ADGRA2: variants seen among roughly 807,000 people sequenced by gnomAD.
The protein encoded by ADGRA2 is G-protein coupled receptor 124.
ADGRA2 carries 61 observed loss-of-function variants against 98.7 expected under a neutral mutation model. The observed-to-expected ratio is 0.62, with a 90% CI of 0.50 to 0.76. The LOEUF (loss-of-function observed/expected upper bound fraction) is 0.76. Ranked by LOEUF, ADGRA2 falls within the 30% of genes least tolerant of loss-of-function variation. The pLI, the probability that ADGRA2 is intolerant of heterozygous loss-of-function variation, is 0.00. For synonymous variants in ADGRA2, 858 were observed against 831.5 expected, an observed-to-expected ratio of 1.03 and a Z score of -0.55; for missense variants, 1,712 against 1,860.0, an observed-to-expected ratio of 0.92 and a Z score of 1.46.
chr8:37,825,330 ACCT>A (rs1424257911), intron 2 of ADGRA2, among the ~76,000 whole-genome samples: 1 of 149,030 alleles, frequency 6.7e-6, no homozygotes, highest in Non-Finnish European at 1.5e-5. Context: ...TGCAACCTCC[ACCT>A]CCCAGGTTCA....
At chr8:37,838,559 A>C (rs1435727640) in intron 14 of ADGRA2, among the ~76,000 whole-genome samples, 3 of 152,142 alleles carry the variant, frequency 2.0e-5, no homozygotes, top group Admixed American at 6.5e-5. Context: ...AGCCGAGACT[A>C]GATTCTTACA....
At chr8:37,811,358 G>A (rs1804827127) in intron 1 of ADGRA2, among the ~76,000 whole-genome samples, 1 of 150,662 alleles carries the variant, frequency 6.6e-6, no homozygotes, top group South Asian at 2.1e-4. Context: ...TTTTAGTAGA[G>A]ATGGAGTTTC....
chr8:37,824,716 G>A (rs903446871), intron 2 of ADGRA2, among the ~76,000 whole-genome samples: 4 of 151,948 alleles, frequency 2.6e-5, no homozygotes, highest in Non-Finnish European at 4.4e-5. Context: ...GGCTGGTCTC[G>A]AACTCCTGAC....
intron 17 of ADGRA2, 112 bp downstream of exon 17, chr8:37,840,378 CAAAGA>C (rs1425631309): frequency 1.1e-5 from 13 of 1,184,424 alleles, no homozygotes; most frequent in Non-Finnish European, 1.5e-5. Flanking sequence ...GATCACTCTC[CAAAGA>C]CGGGGGAGGC....
intron 1 of ADGRA2, among the ~76,000 whole-genome samples, chr8:37,801,937 G>T (rs1187816740): frequency 1.3e-5 from 2 of 152,228 alleles, no homozygotes; most frequent in Non-Finnish European, 2.9e-5. Flanking sequence ...TGGGCAAGGA[G>T]AGGTCACTTT....
At chr8:37,803,390 C>T (rs75052278) in intron 1 of ADGRA2, among the ~76,000 whole-genome samples, 4,646 of 152,272 alleles carry the variant, frequency 0.031, 110 homozygotes, top group Non-Finnish European at 0.047. Context: ...TCCCTGGGAG[C>T]AGCCAGAGAG....
intron 1 of ADGRA2, among the ~76,000 whole-genome samples, chr8:37,809,621 G>GC (rs1200644051): frequency 2.0e-5 from 3 of 152,238 alleles, no homozygotes; most frequent in African/African-American, 4.8e-5. Context: ...CCTGGTGCCT[G>GC]CATCTGCGAG....
chr8:37,842,608 G>A lies in ADGRA2; in HGVS notation c.*253G>A. On this transcript the variant is annotated 3_prime_UTR_variant, in exon 19 of 19. Coordinates refer to ENST00000412232, the MANE Select transcript of ADGRA2 (RefSeq NM_032777.10). ...TGACTGTCGGTGCCCTCCCAGGAAC[G>A]GGGAAGGCCTCCGTCTGTGTGAAAG... 6 of 500,024 alleles carry A rather than the reference G, an allele frequency of 1.2e-5. No homozygotes were observed. The highest frequency in any genetic ancestry group is 1.9e-5 in the Non-Finnish European group (6 of 313,292). The allele number at this position is 500,024 out of a possible 1,614,324, so 31.0% of individuals were successfully genotyped here.
chr8:37,821,926 G>A (rs1359210214), intron 2 of ADGRA2, among the ~76,000 whole-genome samples: 3 of 152,082 alleles, frequency 2.0e-5, no homozygotes, highest in African/African-American at 7.2e-5. Context: ...CCGAGGGTGA[G>A]GCTGCTGGGC....
Position 37,842,096 on chromosome 8 carries a change from C to CCGAGGGCAG in ADGRA2, c.3762_3770dup (p.Glu1254_Ser1256dup). 1.3e-6 allele frequency: 2 copies of CCGAGGGCAG among 1,510,620 alleles called. No homozygotes were observed. Among genetic ancestry groups the CCGAGGGCAG allele is most frequent in the Non-Finnish European group, 1.8e-6 (2 of 1,137,078 alleles). 93.6% of individuals were successfully genotyped at this position (1,510,620 alleles called of 1,614,324 possible). A position where few individuals can be genotyped will look rare whatever the true frequency, so the allele number is the denominator to read the frequency against. ...GAAGGCGAGCCCATGCTCACGCCGT[C>CCGAGGGCAG]CGAGGGCAGCGACACCAGCGCCGCG... On this transcript the variant is annotated inframe_insertion, in exon 19 of 19. Transcript: ENST00000412232.
rs112570333 is a variant in ADGRA2, at chr8:37,806,764, A to G, written c.267-8132A>G. 6.8e-3 allele frequency among the ~76,000 whole-genome samples: 1,039 copies of G among 152,072 alleles called. 20 individuals are homozygous for G. The highest frequency in any genetic ancestry group is 0.023 in the African/African-American group (965 of 41,464). Reference sequence around the variant, plus strand: ...AGGCTGGTCTCGAACTCCTGACCTCAAGTGATCCATCCACCTTGTCCTCCC... The same window carrying G: ...AGGCTGGTCTCGAACTCCTGACCTCGAGTGATCCATCCACCTTGTCCTCCC... On this transcript the variant is annotated intron_variant, in intron 1 of 18. Transcript: ENST00000412232.
At chr8:37,839,122 C>T (rs2130054428) in intron 15 of ADGRA2, 39 bp downstream of exon 15, 4 of 1,607,882 alleles carry the variant, frequency 2.5e-6, no homozygotes, top group African/African-American at 2.7e-5. Context: ...GGTGGGCAGG[C>T]ATGGAAGGGG....
chr8:37,821,194 A>T (rs188626492), intron 2 of ADGRA2, among the ~76,000 whole-genome samples: 59 of 152,280 alleles, frequency 3.9e-4, no homozygotes, highest in African/African-American at 1.3e-3. Flanking sequence ...CTGGAGTGGA[A>T]TCATCCCTCC....
Position 37,833,657 on chromosome 8 carries a change from A to G in ADGRA2, c.1297-31A>G, listed in dbSNP as rs147939541. On this transcript the variant is annotated intron_variant, in intron 9 of 18. Transcript: ENST00000412232. ...AGTTCGGGGGCAGAAGGAACAGGCG[A>G]GATGATCCTCTCTCTTCCCCCAATC... is the stretch of plus-strand genomic sequence containing the variant. The G allele has an allele frequency of 4.3e-4, 693 of 1,610,998 alleles. 4 individuals are homozygous for G. The African/African-American group carries it at 8.1e-3, about 19-fold the overall frequency.
intron 17 of ADGRA2, 74 bp downstream of exon 17, chr8:37,840,340 G>T: frequency 6.6e-7 from 1 of 1,515,840 alleles, no homozygotes; most frequent in Non-Finnish European, 9.1e-7. Flanking sequence ...CCCAAGGTGG[G>T]TGAAGGGTGA....
Position 37,842,706 on chromosome 8 carries a change from G to A in ADGRA2, c.*351G>A. The A allele has an allele frequency of 4.4e-6, 1 of 227,398 alleles. No individual in the cohort carries two copies. The highest frequency in any genetic ancestry group is 8.5e-6 in the Non-Finnish European group (1 of 117,766). The allele number at this position is 227,398 out of a possible 1,614,324, so 14.1% of individuals were successfully genotyped here. A position where few individuals can be genotyped will look rare whatever the true frequency, so the allele number is the denominator to read the frequency against. ...CTACTGTCCATGCGGCCTCACTGGG[G>A]GCCATCAGCCTCACCAGCAAAGCAG... On this transcript the variant is annotated 3_prime_UTR_variant, in exon 19 of 19. Coordinates refer to ENST00000412232, the MANE Select transcript of ADGRA2 (RefSeq NM_032777.10).
chr8:37,839,992 T>G (rs765429630), intron 16 of ADGRA2, 129 bp from the exon 17 acceptor site: 1 of 802,352 alleles, frequency 1.2e-6, no homozygotes, highest in South Asian at 1.8e-5. Context: ...GTATGGGGAG[T>G]GGGCTGGGTA....
intron 1 of ADGRA2, among the ~76,000 whole-genome samples, chr8:37,808,398 T>C (rs1804738164): frequency 6.6e-6 from 1 of 152,048 alleles, no homozygotes; most frequent in Non-Finnish European, 1.5e-5. Context: ...GTCTGTCTTG[T>C]GGGGGTTGAA....
intron 2 of ADGRA2, among the ~76,000 whole-genome samples, chr8:37,824,982 T>C (rs1035352503): frequency 1.3e-5 from 2 of 152,180 alleles, no homozygotes; most frequent in Non-Finnish European, 2.9e-5. Context: ...AACAACGGCA[T>C]AGGGCATGAT....
Sources: allele counts gnomAD v4.1 joint callset (sites outside exome capture counted in the v4.1 genomes callset), GRCh38; gene constraint gnomAD v4.1.1; transcripts MANE v1.5; gene names NCBI Gene and HGNC (gene_info 2026-07-23, HGNC 2026-07-21).